The following KIF17 variants were observed in gnomAD, a reference collection of about 807,000 sequenced individuals.
KIF17 encodes the protein kinesin-like protein KIF17.
In KIF17, 80 loss-of-function variants were observed where a neutral mutation model predicts 96.8. That is an observed-to-expected ratio of 0.83 (90% CI 0.69 to 1.00). The LOEUF (loss-of-function observed/expected upper bound fraction) is 1.00. KIF17 is among the 50% of genes least tolerant of loss of function. KIF17 has a pLI of 0.00. For missense variants in KIF17, 1,280 were observed against 1,372.9 expected (o/e 0.93, Z 1.07); for synonymous variants, 567 against 587.5 (o/e 0.97, Z 0.51).
rs370161843 is a variant in KIF17 at position 20,709,797 on chromosome 1, A to T, written c.512T>A (p.Val171Glu). Residue 171 changes from valine (V) to glutamate (E), a missense_variant, in exon 4 of 15, where the codon GTG becomes GAG. Transcript: ENST00000400463. This position sits in a 1 kb window ranked among gnomAD's most constrained non-coding sequence, Gnocchi z 4.7. ...CACCGTGTGCATGGACAGCCCCTTC[A>T]CGTACACGCCCTTCTCTGGGTGCTC... ...LKEHPEKGVY[V>E]KGLSMHTVHS... The T allele has an allele frequency of 1.2e-6, 2 of 1,613,284 alleles. No individual in the cohort carries two copies. The highest frequency in any genetic ancestry group is 1.3e-5 in the African/African-American group (1 of 74,848).
In KIF17 at chr1:20,687,269, A is replaced by G. The variant is rs931747422; in HGVS notation, c.1938+119T>C. On this transcript the variant is annotated intron_variant, in intron 8 of 14. Transcript: ENST00000400463. The surrounding 1 kb of genome is among the most constrained non-coding windows in gnomAD (Gnocchi z 4.4). The stretch of plus-strand genomic sequence containing the variant: ...GCCAGAGCCGCAGCAGACACAGTGG[A>G]GCCACGGCCTGAGTGTCGGAGGCCA... 5.3e-6 allele frequency: 6 copies of G among 1,139,988 alleles called. No individual in the cohort carries two copies. In the African/African-American group the frequency reaches 7.6e-5, roughly 14 times the overall value. 70.6% of individuals were successfully genotyped at this position (1,139,988 alleles called of 1,614,324 possible).
intron 9 of KIF17, 30 bp downstream of exon 9, chr1:20,686,016 C>G: frequency 6.5e-7 from 1 of 1,529,438 alleles, no homozygotes; most frequent in Non-Finnish European, 8.9e-7. Context: ...GAACCCCGTC[C>G]CCCACATGGA....
At position 20,664,577 on chromosome 1, in the gene KIF17, G is replaced by C. The variant is rs375264107; in HGVS notation, c.*7C>G. The C allele has an allele frequency of 6.2e-6, 10 of 1,614,114 alleles. 1 individual carries two copies. The East Asian group carries it at 2.2e-4, about 36-fold the overall frequency. ...CCTATAAGGCAGGCAATGGCAAGCA[G>C]CTGTGCTCACAGAGGCTCACTGCCA... On this transcript the variant is annotated 3_prime_UTR_variant, in exon 15 of 15. Transcript: ENST00000400463.
Position 20,688,684 on chromosome 1 carries a change from G to T in KIF17, c.1382-740C>A, listed in dbSNP as rs541237795. 5.5e-3 allele frequency among the ~76,000 whole-genome samples: 842 copies of T among 152,324 alleles called. 10 individuals are homozygous for T. Among genetic ancestry groups the T allele is most frequent in the South Asian group, 0.035 (171 of 4,830 alleles). ...CTCGGAGCCCTCACTGGAGTGGCCA[G>T]CCCAGGGCTCTTGTCCACTGGATAT... On this transcript the variant is annotated intron_variant, in intron 7 of 14. Transcript: ENST00000400463.
rs59635021 is a variant in KIF17, at chr1:20,665,219, CTTTT to C, written c.2909-461_2909-458del. On this transcript the variant is annotated intron_variant, in intron 14 of 14. Coordinates refer to ENST00000400463, the MANE Select transcript of KIF17 (RefSeq NM_001122819.3). Reference sequence around the variant, plus strand: ...TCAATATATAGAACTCAAATTTGCTCTTTTTTTTTTTTTTTTTTTTTTTTTTTAG... The same window carrying C: ...TCAATATATAGAACTCAAATTTGCTCTTTTTTTTTTTTTTTTTTTTTTTAG... Among the ~76,000 whole-genome samples, 79 of 61,268 alleles carry C rather than the reference CTTTT, an allele frequency of 1.3e-3. 1 individual carries two copies. The highest frequency in any genetic ancestry group is 0.02 in the Middle Eastern group (1 of 50). 40.2% of individuals were successfully genotyped at this position (61,268 alleles called of 152,430 possible).
chr1:20,669,898 A>C (rs6669411), intron 13 of KIF17, among the ~76,000 whole-genome samples: 6,850 of 141,808 alleles, frequency 0.048, 309 homozygotes, highest in Non-Finnish European at 0.056. Context: ...AAAAAAAAAA[A>C]AAAAAACAAC....
intron 6 of KIF17, among the ~76,000 whole-genome samples, chr1:20,696,262 CA>C (rs1289089630): frequency 6.6e-6 from 1 of 151,762 alleles, no homozygotes; most frequent in African/African-American, 2.4e-5. Context: ...TTCTGGAATA[CA>C]AAGGGAAACA....
intron 11 of KIF17, among the ~76,000 whole-genome samples, chr1:20,674,538 T>TA (rs1300675588): frequency 1.3e-5 from 2 of 151,836 alleles, no homozygotes; most frequent in Non-Finnish European, 2.9e-5. Context: ...GTGCTGGGAT[T>TA]ATAGGCATGA....
chr1:20,666,282 A>G lies in KIF17; in HGVS notation c.2840T>C (p.Ile947Thr), dbSNP rs769167703. 4.3e-5 allele frequency: 70 copies of G among 1,614,162 alleles called. No individual in the cohort carries two copies. The highest frequency in any genetic ancestry group is 5.5e-5 in the Non-Finnish European group (65 of 1,180,028). The change falls in exon 14 of 15, where the codon ATT (isoleucine) becomes ACT (threonine). Residue 947 changes from isoleucine to threonine, a missense_variant. Coordinates refer to ENST00000400463, the MANE Select transcript of KIF17 (RefSeq NM_001122819.3). ...LMLSRSNSEN[I>T]ASNYFRSKRA... ...CTTAGATCGGAAGTAGTTGCTGGCA[A>G]TGTTTTCACTGTTGCTCCGACTGAG...
At chr1:20,690,045 G>A (rs2054010424) in intron 7 of KIF17, 143 bp downstream of exon 7, 7 of 853,820 alleles carry the variant, frequency 8.2e-6, no homozygotes, top group Non-Finnish European at 1.3e-5. Flanking sequence ...CATAATTGTG[G>A]TACCTACCTT....
At chr1:20,688,476 T>C (rs2154536177) in intron 7 of KIF17, among the ~76,000 whole-genome samples, 1 of 152,270 alleles carries the variant, frequency 6.6e-6, no homozygotes, top group Non-Finnish European at 1.5e-5. Context: ...ACCTTCCACC[T>C]CTTCCAGGAA....
chr1:20,666,429 C>T (rs2053530125), intron 13 of KIF17, 98 bp from the exon 14 acceptor site: 4 of 973,104 alleles, frequency 4.1e-6, no homozygotes, highest in East Asian at 4.8e-5. Context: ...GGGGCCGCCC[C>T]GAGCTTCCCC....
intron 11 of KIF17, among the ~76,000 whole-genome samples, chr1:20,674,876 G>T (rs558916354): frequency 6.6e-6 from 1 of 152,256 alleles, no homozygotes; most frequent in African/African-American, 2.4e-5. Flanking sequence ...CAGGCTGGGC[G>T]TGGTGTCTCA....
At chr1:20,712,024 G>A (rs1300734006) in intron 3 of KIF17, among the ~76,000 whole-genome samples, 1 of 152,152 alleles carries the variant, frequency 6.6e-6, no homozygotes, top group African/African-American at 2.4e-5. Flanking sequence ...GTTTCAGCAA[G>A]CGCATCTGTC....
rs1022285557 is a variant in KIF17 at position 20,707,838 on chromosome 1, TAA to T, written c.670+1799_670+1800del. ...GTGTGTGTGTGTGTGTGTGTGTGTA[TAA>T]AAAATATATATGTATATATATAATA... On this transcript the variant is annotated intron_variant, in intron 4 of 14. Coordinates refer to ENST00000400463, the MANE Select transcript of KIF17 (RefSeq NM_001122819.3). Among the ~76,000 whole-genome samples the T allele has an allele frequency of 7.2e-5, 10 of 138,748 alleles. No homozygotes were observed. In the South Asian group the frequency reaches 1.4e-3, roughly 19 times the overall value. 91.0% of individuals were successfully genotyped at this position (138,748 alleles called of 152,430 possible).
intron 11 of KIF17, among the ~76,000 whole-genome samples, chr1:20,675,278 T>G (rs1397248846): frequency 6.7e-6 from 1 of 150,248 alleles, no homozygotes; most frequent in Non-Finnish European, 1.5e-5. Flanking sequence ...AAACCCCGTC[T>G]CTACTAAAAA....
chr1:20,704,004 A>C lies in KIF17; in HGVS notation c.1123+443T>G, dbSNP rs1274801102. Reference sequence around the variant, plus strand: ...CTCCAAGTGTGGATTTCCACCTGCCAGGTGACAGGCAAATGCCAGGGCGCA... The same window carrying C: ...CTCCAAGTGTGGATTTCCACCTGCCCGGTGACAGGCAAATGCCAGGGCGCA... On this transcript the variant is annotated intron_variant, in intron 5 of 14. Transcript: ENST00000400463. The surrounding 1 kb of genome is among the most constrained non-coding windows in gnomAD (Gnocchi z 6.8). 6.6e-6 allele frequency among the ~76,000 whole-genome samples: 1 copy of C among 152,078 alleles called. No individual in the cohort carries two copies. Among genetic ancestry groups the C allele is most frequent in the Non-Finnish European group, 1.5e-5 (1 of 68,028 alleles).
Position 20,672,217 on chromosome 1 carries a change from G to A in KIF17, c.2464-21C>T. On this transcript the variant is annotated intron_variant, in intron 11 of 14. Coordinates refer to ENST00000400463, the MANE Select transcript of KIF17 (RefSeq NM_001122819.3). The surrounding 1 kb of genome is among the most constrained non-coding windows in gnomAD (Gnocchi z 4.3). ...CGAAGCTGAAAGCAAAGGATGACAAGCAGTGAGCAGGGAAAGATACCTCCC... is the reference window on the plus strand; with the variant it reads ...CGAAGCTGAAAGCAAAGGATGACAAACAGTGAGCAGGGAAAGATACCTCCC... The A allele has an allele frequency of 6.2e-7, 1 of 1,613,574 alleles. No homozygotes were observed. The highest frequency in any genetic ancestry group is 8.5e-7 in the Non-Finnish European group (1 of 1,179,950).
At chr1:20,706,576 G>A (rs1235465626) in intron 4 of KIF17, among the ~76,000 whole-genome samples, 1 of 144,154 alleles carries the variant, frequency 6.9e-6, no homozygotes, top group African/African-American at 2.4e-5. Context: ...GGGCGACAGA[G>A]CAAGATTCTG....
Sources: gnomAD v4.1 joint callset for allele counts (sites outside exome capture counted in the v4.1 genomes callset) on GRCh38, gnomAD v4.1.1 for gene constraint, Gnocchi (gnomAD v3.1) non-coding constraint, MANE v1.5 for transcripts, NCBI Gene and HGNC (gene_info 2026-07-23, HGNC 2026-07-21) for gene names.